The following SMOC2 variants were observed in gnomAD, a reference collection of about 807,000 sequenced individuals.
SMOC2 encodes SPARC-related modular calcium-binding protein 2.
In SMOC2, 39 loss-of-function variants were observed where a neutral mutation model predicts 61.4. The observed-to-expected ratio is 0.64, with a 90% confidence interval of 0.49 to 0.83. SMOC2 has a LOEUF of 0.83. SMOC2 is among the 40% of genes least tolerant of loss of function. The pLI is 0.00. For synonymous variants in SMOC2, 247 were observed against 239.9 expected (o/e 1.03, Z -0.27); for missense variants, 556 against 592.9 (o/e 0.94, Z 0.65).
intron 7 of SMOC2, among the ~76,000 whole-genome samples, chr6:168,554,044 C>T (rs1416734963): frequency 6.9e-6 from 1 of 145,832 alleles, no homozygotes; most frequent in Non-Finnish European, 1.5e-5. Context: ...GCACGGTGCC[C>T]CTTCCCCACC....
At chr6:168,497,488 GTC>G (rs1214504309) in intron 1 of SMOC2, among the ~76,000 whole-genome samples, 1 of 145,580 alleles carries the variant, frequency 6.9e-6, no homozygotes, top group Non-Finnish European at 1.5e-5. Context: ...GGAGGTGGGG[GTC>G]TTCTTGAGTG....
At chr6:168,500,250 G>A (rs1271227604) in intron 1 of SMOC2, among the ~76,000 whole-genome samples, 3 of 137,696 alleles carry the variant, frequency 2.2e-5, no homozygotes, top group Non-Finnish European at 3.0e-5. Context: ...TCGCCCCACT[G>A]CACTCCAGCC....
intron 1 of SMOC2, among the ~76,000 whole-genome samples, chr6:168,506,663 T>G (rs1223312599): frequency 6.6e-6 from 1 of 151,958 alleles, no homozygotes; most frequent in Admixed American, 6.6e-5. Flanking sequence ...CCCCCACCAC[T>G]TCCTTACACC....
intron 7 of SMOC2, among the ~76,000 whole-genome samples, chr6:168,590,768 T>G (rs1299895354): frequency 6.6e-6 from 1 of 152,226 alleles, no homozygotes; most frequent in Non-Finnish European, 1.5e-5. Context: ...GTTTTTTTAA[T>G]GTTCATAAAT....
intron 7 of SMOC2, among the ~76,000 whole-genome samples, chr6:168,574,701 G>A (rs541524377): frequency 6.6e-6 from 1 of 152,232 alleles, no homozygotes; most frequent in Admixed American, 6.5e-5. Flanking sequence ...AGGATGAGGT[G>A]CAGACCCATC....
At chr6:168,569,597 C>T (rs146663442) in intron 7 of SMOC2, among the ~76,000 whole-genome samples, 97 of 152,226 alleles carry the variant, frequency 6.4e-4, no homozygotes, top group African/African-American at 1.8e-3. Flanking sequence ...CACACCACCA[C>T]GCCTGGTTAG....
In SMOC2 at chr6:168,652,719, G is replaced by A. The variant is rs527574183; in HGVS notation, c.1011-235G>A. Among the ~76,000 whole-genome samples the A allele has an allele frequency of 2.0e-4, 30 of 152,232 alleles. No individual in the cohort carries two copies. The South Asian group carries it at 6.2e-3, about 32-fold the overall frequency. ...TTTGTCCTTCAAGTGCATCTTTGCT[G>A]GGCACAAATTCACTGCATCATTTAC... On this transcript the variant is annotated intron_variant, in intron 10 of 12. Transcript: ENST00000356284.
intron 1 of SMOC2, among the ~76,000 whole-genome samples, chr6:168,456,232 G>A (rs1426485456): frequency 3.9e-5 from 6 of 152,240 alleles, no homozygotes; most frequent in Non-Finnish European, 8.8e-5. Context: ...GTTCCCTAAT[G>A]ACACAGCCTG....
At chr6:168,517,776 C>T (rs1025311914) in intron 2 of SMOC2, among the ~76,000 whole-genome samples, 1 of 152,290 alleles carries the variant, frequency 6.6e-6, no homozygotes, top group African/African-American at 2.4e-5. Context: ...ACGGGTGAGG[C>T]GCTGGCAGCA....
intron 7 of SMOC2, among the ~76,000 whole-genome samples, chr6:168,595,952 A>G (rs1181150986): frequency 1.3e-5 from 2 of 152,274 alleles, no homozygotes; most frequent in Non-Finnish European, 2.9e-5. Context: ...TCATCAAACC[A>G]TAAATTCTGT....
At chr6:168,518,887 A>C (rs1413829039) in intron 2 of SMOC2, among the ~76,000 whole-genome samples, 2 of 148,046 alleles carry the variant, frequency 1.4e-5, no homozygotes, top group African/African-American at 5.0e-5. Context: ...GTGTCTGAGC[A>C]TGCGTGTGTG....
At chr6:168,650,276 C>T (rs1455434765) in intron 9 of SMOC2, among the ~76,000 whole-genome samples, 3 of 152,150 alleles carry the variant, frequency 2.0e-5, no homozygotes, top group South Asian at 2.1e-4. Context: ...GTGGGGGTGG[C>T]GGTGAATCAC....
chr6:168,558,853 G>A (rs377091982), intron 7 of SMOC2, among the ~76,000 whole-genome samples: 11 of 126,314 alleles, frequency 8.7e-5, no homozygotes, highest in South Asian at 2.4e-4. Context: ...GTATGTGCGC[G>A]TGTGCGCATG....
chr6:168,646,467 G>T (rs181147246), intron 9 of SMOC2, among the ~76,000 whole-genome samples: 4 of 152,128 alleles, frequency 2.6e-5, no homozygotes, highest in African/African-American at 9.7e-5. Context: ...GGAGCAGCTG[G>T]GAACTTGTAT....
intron 1 of SMOC2, among the ~76,000 whole-genome samples, chr6:168,490,522 CAACTCGG>C (rs1782450875): frequency 6.6e-6 from 1 of 152,182 alleles, no homozygotes. Context: ...TTCACAGTGG[CAACTCGG>C]AAGCAAAGTG....
chr6:168,603,082 A>C (rs994483572), intron 8 of SMOC2, among the ~76,000 whole-genome samples: 9 of 151,602 alleles, frequency 5.9e-5, no homozygotes, highest in Admixed American at 2.0e-4. Flanking sequence ...GTGAGTTATC[A>C]TGAGATCCGA....
At chr6:168,603,165 C>T (rs979341496) in intron 8 of SMOC2, among the ~76,000 whole-genome samples, 4 of 151,228 alleles carry the variant, frequency 2.6e-5, no homozygotes, top group African/African-American at 4.8e-5. Context: ...AGGGTGCCTG[C>T]GTCTCCTTTG....
chr6:168,513,828 T>A (rs372060084), intron 2 of SMOC2, among the ~76,000 whole-genome samples: 54 of 152,338 alleles, frequency 3.5e-4, no homozygotes, highest in African/African-American at 1.1e-3. Context: ...AGAATCTTTG[T>A]CCCTGGCAGC....
At chr6:168,495,327 C>T (rs538632178) in intron 1 of SMOC2, among the ~76,000 whole-genome samples, 84 of 152,330 alleles carry the variant, frequency 5.5e-4, no homozygotes, top group African/African-American at 2.0e-3. Flanking sequence ...GGTGGATCTT[C>T]TTCACTTCCT....
Sources: allele counts gnomAD v4.1 joint callset (sites outside exome capture counted in the v4.1 genomes callset), GRCh38; gene constraint gnomAD v4.1.1; transcripts MANE v1.5; gene names NCBI Gene and HGNC (gene_info 2026-07-23, HGNC 2026-07-21).